CUZD1: variants seen among roughly 807,000 people sequenced by gnomAD.
The protein encoded by CUZD1 is CUB and zona pellucida-like domain-containing protein 1.
A neutral mutation model predicts 53.1 loss-of-function variants in CUZD1; 42 were observed. That is an observed-to-expected ratio of 0.79 (90% confidence interval 0.62 to 1.02). CUZD1 has a LOEUF of 1.02. Ranked by LOEUF, CUZD1 falls within the 50% of genes least tolerant of loss-of-function variation. The pLI is 0.00. For synonymous variants in CUZD1, 238 were observed against 257.2 expected (o/e 0.93, Z 0.71); for missense variants, 670 against 715.7 (o/e 0.94, Z 0.73).
At chr10:122,840,416 G>GT (rs1438930788) in intron 2 of CUZD1, among the ~76,000 whole-genome samples, 3 of 152,054 alleles carry the variant, frequency 2.0e-5, no homozygotes, top group African/African-American at 7.3e-5. Flanking sequence ...TGGGACAGGC[G>GT]TAAGAGGGGG....
Position 122,836,920 on chromosome 10 carries a change from A to G in CUZD1, c.728T>C (p.Leu243Pro). 2 of 1,614,156 alleles carry G rather than the reference A, an allele frequency of 1.2e-6. No homozygotes were observed. Among genetic ancestry groups the G allele is most frequent in the East Asian group, 2.2e-5 (1 of 44,886 alleles). ...ATAATCTGTAGACAACACGACAGTC[A>G]GAGAGTTTGATGACGATTCGAAGGT... is the stretch of plus-strand genomic sequence containing the variant. ...TPTFESSSNS[L>P]TVVLSTDYAN... Residue 243 changes from leucine (L) to proline (P), a missense_variant, in exon 5 of 9, where the codon CTG becomes CCG. Coordinates refer to ENST00000392790, the MANE Select transcript of CUZD1 (RefSeq NM_022034.6).
Position 122,836,318 on chromosome 10 carries a change from C to T in CUZD1, c.850G>A (p.Val284Ile), listed in dbSNP as rs1847249292. ...TCTAGGTAGGATTTGCTTATAATAA[C>T]TCTCATCCTGTCAGAAGAGCAAGTT... is the stretch of plus-strand genomic sequence containing the variant. Reference protein sequence around the residue: ...SLTCSSDRMRVIISKSYLEAF... With the variant: ...SLTCSSDRMRIIISKSYLEAF... The change falls in exon 6 of 9, where the codon GTT becomes ATT. Residue 284 changes from valine (V) to isoleucine (I), a missense_variant. Coordinates refer to ENST00000392790, the MANE Select transcript of CUZD1 (RefSeq NM_022034.6). 6.3e-7 allele frequency: 1 copy of T among 1,585,244 alleles called. No homozygotes were observed. Among genetic ancestry groups the T allele is most frequent in the African/African-American group, 1.4e-5 (1 of 71,636 alleles).
intron 3 of CUZD1, 79 bp downstream of exon 3, chr10:122,838,938 T>C (rs1229927904): frequency 1.0e-5 from 11 of 1,103,190 alleles, no homozygotes; most frequent in Non-Finnish European, 1.4e-5. Context: ...AGACTGAAGA[T>C]TATAAGAACC....
intron 7 of CUZD1, 57 bp from the exon 8 acceptor site, chr10:122,833,997 T>A: frequency 6.6e-7 from 1 of 1,514,758 alleles, no homozygotes; most frequent in Non-Finnish European, 8.9e-7. Context: ...GTCTTTTCCA[T>A]ACTAAAAAGT....
rs756441672 is a variant in CUZD1 at position 122,845,817 on chromosome 10, T to G, written c.27A>C (p.Pro9=). The G allele has an allele frequency of 6.8e-6, 11 of 1,614,112 alleles. No individual in the cohort carries two copies. Among genetic ancestry groups the G allele is most frequent in the Non-Finnish European group, 9.3e-6 (11 of 1,180,000 alleles). MELVRRLM[P]LTLLILSCLA... ...AACAGGAGAGAATTAAGAGGGTCAATGGCATGAGCCTTCTTACAAGCTCCA... is the reference window on the plus strand; with the variant it reads ...AACAGGAGAGAATTAAGAGGGTCAAGGGCATGAGCCTTCTTACAAGCTCCA... The change falls in exon 1 of 9, where the codon CCA becomes CCC. Residue 9 remains proline (P), a synonymous_variant. Coordinates refer to ENST00000392790, the MANE Select transcript of CUZD1 (RefSeq NM_022034.6).
intron 7 of CUZD1, 49 bp from the exon 8 acceptor site, chr10:122,833,989 C>G: frequency 6.5e-7 from 1 of 1,537,858 alleles, no homozygotes; most frequent in Non-Finnish European, 8.8e-7. Context: ...CAAATTCAGT[C>G]TTTTCCATAC....
At chr10:122,832,646 T>G (rs1847177861) in intron 8 of CUZD1, among the ~76,000 whole-genome samples, 196 bp from the exon 9 acceptor site, 1 of 152,182 alleles carries the variant, frequency 6.6e-6, no homozygotes, top group African/African-American at 2.4e-5. Context: ...ATTTTGAACT[T>G]GTTTCAAATT....
Position 122,839,187 on chromosome 10 carries a change from A to G in CUZD1, c.278T>C (p.Phe93Ser). Residue 93 changes from phenylalanine (F) to serine (S), a missense_variant, in exon 3 of 9, where the codon TTT becomes TCT. By Grantham distance (155) the Phe-to-Ser change is radical. Transcript: ENST00000392790. ...AGGCCCATTGCTGGAGGTTCCGTCA[A>G]AGACTTTAATGTTTTCACTTTCACA... ...GSCESENIKVFDGTSSNGPLL... is the reference protein window; with the variant it reads ...GSCESENIKVSDGTSSNGPLL... The G allele has an allele frequency of 1.2e-6, 2 of 1,614,116 alleles. No individual in the cohort carries two copies. Among genetic ancestry groups the G allele is most frequent in the Non-Finnish European group, 1.7e-6 (2 of 1,179,958 alleles).
chr10:122,832,356 C>T lies in CUZD1; in HGVS notation c.1746G>A (p.Val582=), dbSNP rs182527423. ...GCCTCACTGTGATTGTCGCTACAGT[C>T]ACCACATTCAGAGCTAGAACCATGA... ...FSFMVLALNV[V]TVATITVRHF... is the part of the protein sequence containing the mutation. Residue 582 remains valine, a synonymous_variant, in exon 9 of 9, where the codon GTG becomes GTA. Transcript: ENST00000392790. 1.2e-6 allele frequency: 2 copies of T among 1,614,032 alleles called. No homozygotes were observed. The highest frequency in any genetic ancestry group is 8.5e-7 in the Non-Finnish European group (1 of 1,180,010).
chr10:122,837,095 A>G (rs1847266260), intron 4 of CUZD1, 47 bp from the exon 5 acceptor site: 1 of 1,353,310 alleles, frequency 7.4e-7, no homozygotes, highest in African/African-American at 1.5e-5. Context: ...AACCAATTCA[A>G]TTCTATTTTC....
intron 1 of CUZD1, among the ~76,000 whole-genome samples, chr10:122,843,897 ATATT>A (rs1378593890): frequency 6.8e-6 from 1 of 147,138 alleles, no homozygotes; most frequent in Non-Finnish European, 1.5e-5. Flanking sequence ...ACAGTTATAT[ATATT>A]GTTAGATATA....
chr10:122,843,144 T>A (rs536264989), intron 1 of CUZD1, among the ~76,000 whole-genome samples: 1 of 152,278 alleles, frequency 6.6e-6, no homozygotes, highest in South Asian at 2.1e-4. Context: ...AATGTCCACA[T>A]AAAAACTTGT....
intron 1 of CUZD1, among the ~76,000 whole-genome samples, chr10:122,843,745 A>G (rs1476691427): frequency 6.6e-6 from 1 of 150,596 alleles, no homozygotes; most frequent in Non-Finnish European, 1.5e-5. Context: ...TGTGCTGGAG[A>G]CATCAGGAGA....
In CUZD1 at chr10:122,839,093, C is replaced by T. The variant is rs149885016; in HGVS notation, c.372G>A (p.Thr124=). ...TTGCTGAGTCAGTAACTATTTGAAA[C>T]GTCAATGTACTGGATGATGATTCAA... is the stretch of plus-strand genomic sequence containing the variant. ...PVFESSSSTL[T]FQIVTDSARI... The change falls in exon 3 of 9, where the codon ACG becomes ACA. Residue 124 remains threonine, a synonymous_variant. Coordinates refer to ENST00000392790, the MANE Select transcript of CUZD1 (RefSeq NM_022034.6). 1.7e-5 allele frequency: 28 copies of T among 1,614,106 alleles called. No homozygotes were observed. Among genetic ancestry groups the T allele is most frequent in the Middle Eastern group, 1.6e-4 (1 of 6,062 alleles).
chr10:122,836,785 A>G (rs1847258354), intron 5 of CUZD1, 46 bp downstream of exon 5: 1 of 1,470,090 alleles, frequency 6.8e-7, no homozygotes, highest in African/African-American at 1.4e-5. Context: ...TACATATGCA[A>G]TCTTCGAAGA....
At chr10:122,841,918 T>C (rs918275340) in intron 1 of CUZD1, among the ~76,000 whole-genome samples, 1 of 152,212 alleles carries the variant, frequency 6.6e-6, no homozygotes, top group African/African-American at 2.4e-5. Context: ...CTATATATCC[T>C]TTTTGGTAAG....
chr10:122,844,051 CAG>C (rs1847393253), intron 1 of CUZD1, among the ~76,000 whole-genome samples: 2 of 150,414 alleles, frequency 1.3e-5, no homozygotes, highest in South Asian at 2.1e-4. Flanking sequence ...GAGGGACAGA[CAG>C]AGTCTCACTC....
At chr10:122,833,526 C>A in intron 8 of CUZD1, 146 bp downstream of exon 8, 2 of 789,958 alleles carry the variant, frequency 2.5e-6, no homozygotes, top group South Asian at 3.6e-5. Context: ...GAAATAAATA[C>A]TAATCCTATA....
chr10:122,838,941 T>A, intron 3 of CUZD1, 76 bp downstream of exon 3: 2 of 1,139,170 alleles, frequency 1.8e-6, no homozygotes, highest in South Asian at 2.7e-5. Context: ...CTGAAGATTA[T>A]AAGAACCCGG....
Sources: allele counts gnomAD v4.1 joint callset (sites outside exome capture counted in the v4.1 genomes callset), GRCh38; gene constraint gnomAD v4.1.1; transcripts MANE v1.5; gene names NCBI Gene and HGNC (gene_info 2026-07-23, HGNC 2026-07-21).